The following PCDH11X variants were observed in gnomAD, a reference collection of about 807,000 sequenced individuals.
The protein encoded by PCDH11X is protocadherin 11 X-linked.
PCDH11X carries 18 observed loss-of-function variants against 53.3 expected under a neutral mutation model. The observed-to-expected ratio is 0.34, with a 90% CI of 0.23 to 0.50. The LOEUF is 0.50. PCDH11X is among the 20% of genes least tolerant of loss of function. PCDH11X has a pLI of 0.98. For missense variants in PCDH11X, 570 were observed against 1,032.4 expected, an observed-to-expected ratio of 0.55 and a Z score of 6.14; for synonymous variants, 279 against 393.3, an observed-to-expected ratio of 0.71 and a Z score of 3.44.
chrX:91,908,727 C>T (rs1941273184), intron 6 of PCDH11X, among the ~76,000 whole-genome samples: 1 of 108,532 alleles, frequency 9.2e-6, no homozygotes, highest in Admixed American at 9.9e-5. Context: ...ATTGCTTGAA[C>T]CCGGGAGGCA....
intron 9 of PCDH11X, among the ~76,000 whole-genome samples, chrX:92,432,158 G>C (rs2072264479): frequency 9.2e-6 from 1 of 109,240 alleles, no homozygotes; most frequent in South Asian, 3.8e-4. Flanking sequence ...TTCATTTCAT[G>C]GTCTTTTAAA....
At chrX:92,344,152 G>A (rs1461214548) in intron 8 of PCDH11X, among the ~76,000 whole-genome samples, 4 of 102,658 alleles carry the variant, frequency 3.9e-5, no homozygotes, top group African/African-American at 1.1e-4. Flanking sequence ...ATTTTGGCCC[G>A]TTATTCTAGA....
intron 9 of PCDH11X, among the ~76,000 whole-genome samples, chrX:92,432,807 C>T (rs182117428): frequency 5.1e-4 from 55 of 107,590 alleles, no homozygotes; most frequent in African/African-American, 1.8e-3. Context: ...AATTAGAGCT[C>T]TGAATCATTA....
chrX:92,171,926 C>T (rs768681095), intron 6 of PCDH11X, among the ~76,000 whole-genome samples: 1 of 111,593 alleles, frequency 9.0e-6, no homozygotes, highest in East Asian at 2.8e-4. Context: ...ACAAGCTTTG[C>T]CCTTCTTTTA....
intron 6 of PCDH11X, among the ~76,000 whole-genome samples, chrX:92,107,894 G>A (rs12838469): frequency 2.4e-3 from 266 of 111,609 alleles, no homozygotes; most frequent in Middle Eastern, 4.6e-3. Flanking sequence ...TCTTTTCATC[G>A]ACAATATGCC....
chrX:91,958,401 G>A (rs866173981), intron 6 of PCDH11X, among the ~76,000 whole-genome samples: 2 of 111,573 alleles, frequency 1.8e-5, no homozygotes, highest in Non-Finnish European at 1.9e-5. Context: ...GGGTGTCTGT[G>A]TGTGTCTGAG....
At chrX:92,231,583 T>TTAGACC (rs2067075916) in intron 7 of PCDH11X, among the ~76,000 whole-genome samples, 1 of 111,871 alleles carries the variant, frequency 8.9e-6, no homozygotes, top group African/African-American at 3.2e-5. Flanking sequence ...GTTGTTTGAA[T>TTAGACC]TAGACCTACA....
At chrX:92,007,550 A>AG (rs956100162) in intron 6 of PCDH11X, among the ~76,000 whole-genome samples, 7 of 111,909 alleles carry the variant, frequency 6.3e-5, no homozygotes, top group African/African-American at 1.6e-4. Context: ...ATGCCACCTA[A>AG]GGGTCAAGTC....
At chrX:91,844,262 A>G (rs1937579929) in intron 5 of PCDH11X, among the ~76,000 whole-genome samples, 2 of 110,981 alleles carry the variant, frequency 1.8e-5, no homozygotes, top group African/African-American at 6.5e-5. Flanking sequence ...TTTCTTGATC[A>G]GTGCCACTGG....
intron 6 of PCDH11X, among the ~76,000 whole-genome samples, chrX:92,030,556 T>C (rs2063034241): frequency 9.2e-6 from 1 of 108,556 alleles, no homozygotes; most frequent in Non-Finnish European, 1.9e-5. Context: ...ATAGTCACCC[T>C]GCTGTGCTAG....
At chrX:92,158,140 G>A (rs1426899949) in intron 6 of PCDH11X, among the ~76,000 whole-genome samples, 3 of 111,495 alleles carry the variant, frequency 2.7e-5, no homozygotes, top group Non-Finnish European at 5.6e-5. Flanking sequence ...TGCCTGAACT[G>A]GGGAGGCAGA....
intron 6 of PCDH11X, among the ~76,000 whole-genome samples, chrX:92,058,117 A>G (rs1157942708): frequency 2.9e-5 from 3 of 105,010 alleles, no homozygotes; most frequent in Non-Finnish European, 5.8e-5. Flanking sequence ...AGACAGTCAC[A>G]TGGCTGGATA....
At chrX:92,224,734 A>G (rs763839705) in intron 7 of PCDH11X, among the ~76,000 whole-genome samples, 1 of 112,434 alleles carries the variant, frequency 8.9e-6, no homozygotes, top group Admixed American at 9.5e-5. Context: ...TTCATTGCTT[A>G]ATTAAATTCT....
intron 9 of PCDH11X, among the ~76,000 whole-genome samples, chrX:92,456,615 A>G (rs2072912428): frequency 9.0e-6 from 1 of 111,511 alleles, no homozygotes; most frequent in Admixed American, 9.6e-5. Flanking sequence ...TTTAAGGCAG[A>G]CAGCATTTGG....
chrX:92,219,425 C>A (rs1404137574), intron 7 of PCDH11X, among the ~76,000 whole-genome samples: 4 of 110,751 alleles, frequency 3.6e-5, no homozygotes, highest in Admixed American at 9.7e-5. Context: ...AGACCCAGAT[C>A]ATAAGTGAAT....
At chrX:92,528,648 A>T in intron 10 of PCDH11X, among the ~76,000 whole-genome samples, 1 of 111,760 alleles carries the variant, frequency 8.9e-6, no homozygotes, top group Middle Eastern at 4.2e-3. Flanking sequence ...AGTTCAACCC[A>T]TTTCCATATA....
intron 1 of PCDH11X, among the ~76,000 whole-genome samples, chrX:91,801,445 C>A (rs541995873): frequency 1.8e-5 from 2 of 110,378 alleles, no homozygotes; most frequent in African/African-American, 6.6e-5. Flanking sequence ...AACATTTGCA[C>A]GGAAGTAGTA....
intron 9 of PCDH11X, among the ~76,000 whole-genome samples, chrX:92,432,541 GT>G (rs2072272849): frequency 9.1e-6 from 1 of 109,977 alleles, no homozygotes; most frequent in Admixed American, 9.8e-5. Context: ...AGGTAGTTCA[GT>G]GTTTCATATC....
At chrX:92,597,439 A>G (rs1328752218) in intron 10 of PCDH11X, among the ~76,000 whole-genome samples, 2 of 111,736 alleles carry the variant, frequency 1.8e-5, no homozygotes, top group Non-Finnish European at 3.8e-5. Flanking sequence ...AGCCACACAT[A>G]AAACTAAATA....
Sources: gnomAD v4.1 joint callset for allele counts (sites outside exome capture counted in the v4.1 genomes callset) on GRCh38, gnomAD v4.1.1 for gene constraint, MANE v1.5 for transcripts, NCBI Gene and HGNC (gene_info 2026-07-23, HGNC 2026-07-21) for gene names.